The following ITGBL1 variants were observed in gnomAD, a reference collection of about 807,000 sequenced individuals.
The protein encoded by ITGBL1 is integrin subunit beta like 1.
Under a neutral mutation model 68.5 loss-of-function variants are expected in ITGBL1, and 51 were observed. The ratio of observed to expected loss-of-function variants is 0.74; its 90% confidence interval spans 0.59 to 0.94. The LOEUF (loss-of-function observed/expected upper bound fraction) is 0.94, where lower values mean the gene tolerates loss of function less well. ITGBL1 is among the 40% of genes least tolerant of loss of function. ITGBL1 has a pLI of 0.00. For synonymous variants in ITGBL1, 209 were observed against 227.3 expected, an observed-to-expected ratio of 0.92 and a Z score of 0.72; for missense variants, 649 against 647.4, an observed-to-expected ratio of 1.00 and a Z score of -0.03.
intron 7 of ITGBL1, among the ~76,000 whole-genome samples, chr13:101,687,210 G>T (rs2139541730): frequency 6.6e-6 from 1 of 151,942 alleles, no homozygotes; most frequent in South Asian, 2.1e-4. Context: ...ATTTAACAGT[G>T]TACTCCCATA....
At chr13:101,526,716 G>A (rs2049386303) in intron 2 of ITGBL1, among the ~76,000 whole-genome samples, 1 of 150,660 alleles carries the variant, frequency 6.6e-6, no homozygotes, top group African/African-American at 2.4e-5. Context: ...AACACCTTTA[G>A]CACCCAAATT....
At chr13:101,623,520 G>T (rs1306412665) in intron 7 of ITGBL1, among the ~76,000 whole-genome samples, 1 of 152,118 alleles carries the variant, frequency 6.6e-6, no homozygotes, top group African/African-American at 2.4e-5. Flanking sequence ...TTTATAAAAG[G>T]CTGATAAATA....
rs569152313 is a variant in ITGBL1, at chr13:101,490,100, A to T, written c.316+36000A>T. 1.1e-4 allele frequency: 85 copies of T among 790,996 alleles called. 2 individuals carry two copies. In the South Asian group the frequency reaches 1.3e-3, roughly 12 times the overall value. 49.0% of individuals were successfully genotyped at this position (790,996 alleles called of 1,614,324 possible). ...TGTTGAAATTCTAACCCCCAGTGTG[A>T]TGGTATTTGGAGGTGGGGCCTTTTG... On this transcript the variant is annotated intron_variant, in intron 2 of 10. Coordinates refer to ENST00000376180, the MANE Select transcript of ITGBL1 (RefSeq NM_004791.3).
At chr13:101,695,034 G>A (rs765114380) in intron 8 of ITGBL1, among the ~76,000 whole-genome samples, 13 of 152,142 alleles carry the variant, frequency 8.5e-5, no homozygotes, top group African/African-American at 1.9e-4. Context: ...ATGGTTGAGC[G>A]TGAAGGGAGG....
At chr13:101,552,106 T>C (rs1197143393) in intron 2 of ITGBL1, among the ~76,000 whole-genome samples, 1 of 152,202 alleles carries the variant, frequency 6.6e-6, no homozygotes, top group Non-Finnish European at 1.5e-5. Flanking sequence ...CTGGCCACTC[T>C]AGCAACCTTT....
At chr13:101,523,208 A>G (rs1172939827) in intron 2 of ITGBL1, among the ~76,000 whole-genome samples, 1 of 152,196 alleles carries the variant, frequency 6.6e-6, no homozygotes, top group African/African-American at 2.4e-5. Context: ...TAGGAAATTC[A>G]ATTTATTGCT....
intron 7 of ITGBL1, among the ~76,000 whole-genome samples, chr13:101,634,892 G>A (rs2032113914): frequency 6.6e-6 from 1 of 151,686 alleles, no homozygotes; most frequent in Admixed American, 6.6e-5. Context: ...TTTTATCTAA[G>A]ACCCGAATGA....
chr13:101,683,671 A>G (rs1219163639), intron 7 of ITGBL1, among the ~76,000 whole-genome samples: 1 of 151,962 alleles, frequency 6.6e-6, no homozygotes, highest in Non-Finnish European at 1.5e-5. Flanking sequence ...TATTCTACCA[A>G]TTTATATTCT....
At chr13:101,587,568 A>G (rs545205833) in intron 6 of ITGBL1, among the ~76,000 whole-genome samples, 1 of 152,318 alleles carries the variant, frequency 6.6e-6, no homozygotes, top group South Asian at 2.1e-4. Context: ...ACTCAGGTCT[A>G]TTTACCCAAA....
intron 7 of ITGBL1, among the ~76,000 whole-genome samples, chr13:101,672,840 A>G (rs1396845988): frequency 6.6e-6 from 1 of 152,200 alleles, no homozygotes; most frequent in Non-Finnish European, 1.5e-5. Context: ...TCTCAGCACA[A>G]AATGACCAAC....
intron 2 of ITGBL1, among the ~76,000 whole-genome samples, chr13:101,516,975 T>C (rs2049205503): frequency 6.6e-6 from 1 of 152,196 alleles, no homozygotes; most frequent in African/African-American, 2.4e-5. Flanking sequence ...GCTTAAAAGC[T>C]TCTCCTGACA....
intron 2 of ITGBL1, among the ~76,000 whole-genome samples, chr13:101,519,217 A>T (rs940192343): frequency 1.3e-5 from 2 of 152,130 alleles, no homozygotes; most frequent in Non-Finnish European, 1.5e-5. Context: ...AATGTTTTTG[A>T]TATGAGAATA....
At chr13:101,453,025 T>C in intron 1 of ITGBL1, 94 bp downstream of exon 1, 1 of 989,480 alleles carries the variant, frequency 1.0e-6, no homozygotes, top group East Asian at 2.4e-5. Context: ...CAAGAGCTGT[T>C]ATTAAATTGG....
intron 7 of ITGBL1, among the ~76,000 whole-genome samples, chr13:101,655,407 A>AGT (rs2032889299): frequency 4.7e-5 from 1 of 21,136 alleles, no homozygotes; most frequent in Non-Finnish European, 2.4e-4. Context: ...TTTATGCATT[A>AGT]ATTATCTTCA....
intron 7 of ITGBL1, among the ~76,000 whole-genome samples, chr13:101,667,677 T>C (rs1408478237): frequency 6.6e-6 from 1 of 152,052 alleles, no homozygotes; most frequent in East Asian, 1.9e-4. Context: ...TATAAACCAT[T>C]GAGTTTATAT....
At position 101,567,736 on chromosome 13, in the gene ITGBL1, C is replaced by A. The variant is rs144408207; in HGVS notation, c.354C>A (p.Asp118Glu). Residue 118 changes from aspartate (D) to glutamate (E), a missense_variant, in exon 3 of 11, where the codon GAC (aspartate) becomes GAA (glutamate). Transcript: ENST00000376180. Reference sequence around the variant, plus strand: ...GTGACTGTGGCAAGTGCAAGTGTGACCAGGGATGGTATGGGGATGCTTGCC... The same window carrying A: ...GTGACTGTGGCAAGTGCAAGTGTGAACAGGGATGGTATGGGGATGCTTGCC... ...GKCDCGKCKC[D>E]QGWYGDACQY... 30 of 1,613,144 alleles carry A rather than the reference C, an allele frequency of 1.9e-5. No individual in the cohort carries two copies. The African/African-American group carries it at 3.1e-4, about 17-fold the overall frequency.
At chr13:101,675,081 T>C (rs1566786186) in intron 7 of ITGBL1, among the ~76,000 whole-genome samples, 1 of 152,188 alleles carries the variant, frequency 6.6e-6, no homozygotes, top group Non-Finnish European at 1.5e-5. Flanking sequence ...AATTCTAATT[T>C]GACAATTTTT....
chr13:101,597,044 G>A (rs11618083), intron 6 of ITGBL1, among the ~76,000 whole-genome samples: 28,370 of 151,948 alleles, frequency 0.19, 2,928 homozygotes, highest in Admixed American at 0.25. Flanking sequence ...CACTAAGAGT[G>A]GACCCTAATG....
intron 8 of ITGBL1, among the ~76,000 whole-genome samples, chr13:101,703,347 T>A (rs1438885794): frequency 6.6e-6 from 1 of 152,080 alleles, no homozygotes; most frequent in Non-Finnish European, 1.5e-5. Flanking sequence ...TGCAAAAACA[T>A]GAGGTCAGAA....
Sources: allele counts gnomAD v4.1 joint callset (sites outside exome capture counted in the v4.1 genomes callset), GRCh38; gene constraint gnomAD v4.1.1; transcripts MANE v1.5; gene names NCBI Gene and HGNC (gene_info 2026-07-23, HGNC 2026-07-21).